Variants in PDHX observed in about 807,000 individuals in gnomAD.
The protein encoded by PDHX is pyruvate dehydrogenase complex component X, also known as pyruvate dehydrogenase protein X component, mitochondrial.
Under a neutral mutation model 55.3 loss-of-function variants are expected in PDHX, and 33 were observed. That is an observed-to-expected ratio of 0.60 (90% CI 0.45 to 0.80). PDHX has a LOEUF of 0.80. Ranked by LOEUF, PDHX falls within the 30% of genes least tolerant of loss-of-function variation. The probability of loss-of-function intolerance (pLI) is 0.00; values close to 1 mark genes in which losing one functional copy is unlikely to be tolerated. For synonymous variants in PDHX, 226 were observed against 219.4 expected (o/e 1.03, Z -0.27); for missense variants, 622 against 619.9 (o/e 1.00, Z -0.04).
At chr11:34,955,652 G>A (rs1408865017) in intron 3 of PDHX, among the ~76,000 whole-genome samples, 2 of 152,050 alleles carry the variant, frequency 1.3e-5, no homozygotes, top group East Asian at 1.9e-4. Flanking sequence ...GCTGTTTATT[G>A]CCTACTTGTG....
chr11:34,980,219 AT>A (rs1855478125), intron 8 of PDHX, among the ~76,000 whole-genome samples: 1 of 150,736 alleles, frequency 6.6e-6, no homozygotes. Context: ...TCTCACTTCT[AT>A]TGCATATTTA....
intron 1 of PDHX, among the ~76,000 whole-genome samples, chr11:34,924,446 T>A (rs991579567): frequency 6.6e-6 from 1 of 152,092 alleles, no homozygotes; most frequent in Non-Finnish European, 1.5e-5. Context: ...GTCTTGAACT[T>A]CTGACCTAAT....
chr11:34,922,357 T>A (rs1241814673), intron 1 of PDHX, among the ~76,000 whole-genome samples: 1 of 152,226 alleles, frequency 6.6e-6, no homozygotes, highest in Non-Finnish European at 1.5e-5. Context: ...GAGAGCTTAC[T>A]ATATACTATG....
At chr11:34,964,581 G>A (rs1439485481) in intron 5 of PDHX, among the ~76,000 whole-genome samples, 1 of 152,042 alleles carries the variant, frequency 6.6e-6, no homozygotes, top group Non-Finnish European at 1.5e-5. Flanking sequence ...TCCAGCCTGG[G>A]TGACAGAGTG....
chr11:34,957,242 A>G, intron 3 of PDHX, 142 bp from the exon 4 acceptor site: 1 of 673,406 alleles, frequency 1.5e-6, no homozygotes, highest in Admixed American at 2.2e-5. Flanking sequence ...TGACAGGTGG[A>G]AGGCAGAGGC....
intron 6 of PDHX, among the ~76,000 whole-genome samples, chr11:34,968,148 T>C (rs994333088): frequency 6.6e-6 from 1 of 151,686 alleles, no homozygotes; most frequent in Non-Finnish European, 1.5e-5. Context: ...AGTGTGTGCC[T>C]GTAGTCCAAC....
intron 2 of PDHX, among the ~76,000 whole-genome samples, chr11:34,945,601 C>T (rs1007862826): frequency 6.6e-6 from 1 of 152,058 alleles, no homozygotes; most frequent in African/African-American, 2.4e-5. Context: ...CTCAGTCTTT[C>T]CATTGAGGTA....
At chr11:34,959,624 AAG>A (rs1350138159) in intron 4 of PDHX, among the ~76,000 whole-genome samples, 1 of 152,072 alleles carries the variant, frequency 6.6e-6, no homozygotes, top group East Asian at 1.9e-4. Flanking sequence ...AAAGACTGGA[AAG>A]AGATATTTGT....
At chr11:34,958,132 A>G (rs1854945253) in intron 4 of PDHX, among the ~76,000 whole-genome samples, 1 of 152,232 alleles carries the variant, frequency 6.6e-6, no homozygotes, top group South Asian at 2.1e-4. Context: ...TTAATAGAAG[A>G]ACTCTGTAAA....
intron 2 of PDHX, among the ~76,000 whole-genome samples, chr11:34,939,599 C>T (rs1854424458): frequency 6.6e-6 from 1 of 152,112 alleles, no homozygotes; most frequent in African/African-American, 2.4e-5. Context: ...TGGGGTTCCT[C>T]CTCTGCCATG....
chr11:34,984,865 A>G, intron 9 of PDHX, 137 bp downstream of exon 9: 1 of 811,294 alleles, frequency 1.2e-6, no homozygotes, highest in Non-Finnish European at 2.1e-6. Context: ...TCATCAAGTG[A>G]TTGTCACATA....
At chr11:34,933,953 T>TATTATTA (rs1279290462) in intron 2 of PDHX, among the ~76,000 whole-genome samples, 1 of 152,134 alleles carries the variant, frequency 6.6e-6, no homozygotes, top group Non-Finnish European at 1.5e-5. Context: ...TTGGTTAGCT[T>TATTATTA]TAGAGGGTGC....
In PDHX at chr11:34,984,045, CA is replaced by C. The variant is rs572840104; in HGVS notation, c.1024-521del. ...AACTATAGTACAAGGCTACAGTAAC[CA>C]AAACAGCATGGTACTGGTACCAAAA... On this transcript the variant is annotated intron_variant, in intron 8 of 10. Transcript: ENST00000227868. Among the ~76,000 whole-genome samples the C allele has an allele frequency of 1.6e-4, 24 of 152,260 alleles. No homozygotes were observed. In the East Asian group the frequency reaches 4.6e-3, roughly 29 times the overall value.
intron 2 of PDHX, among the ~76,000 whole-genome samples, chr11:34,937,442 CTT>C (rs36061427): frequency 1.4e-4 from 19 of 134,520 alleles, no homozygotes; most frequent in Admixed American, 2.2e-4. Flanking sequence ...GAGTTGCTGA[CTT>C]TTTTTTTTTT....
chr11:34,924,211 T>C (rs1853963564), intron 1 of PDHX, among the ~76,000 whole-genome samples: 1 of 152,186 alleles, frequency 6.6e-6, no homozygotes, highest in Non-Finnish European at 1.5e-5. Flanking sequence ...TTGAGACTTA[T>C]TCTTTGCCAA....
At chr11:34,953,388 A>G (rs1401767170) in intron 3 of PDHX, among the ~76,000 whole-genome samples, 2 of 152,222 alleles carry the variant, frequency 1.3e-5, no homozygotes, top group South Asian at 2.1e-4. Context: ...CGCCAAGTCA[A>G]TCCTAAGCCA....
In PDHX at chr11:34,946,225, ATTAC is replaced by A. The variant is rs1854615836; in HGVS notation, c.242-1277_242-1274del. On this transcript the variant is annotated intron_variant, in intron 2 of 10. Coordinates refer to ENST00000227868, the MANE Select transcript of PDHX (RefSeq NM_003477.3). ...TATTCTGTTGTTTCTTTTTATTTCAATTACTTAATTTTTCATTTTTAAGATTTCT... is the reference window on the plus strand; with the variant it reads ...TATTCTGTTGTTTCTTTTTATTTCAATTAATTTTTCATTTTTAAGATTTCT... Among the ~76,000 whole-genome samples, 3 of 151,738 alleles carry A rather than the reference ATTAC, an allele frequency of 2.0e-5. No individual in the cohort carries two copies. In the East Asian group the frequency reaches 5.8e-4, roughly 29 times the overall value.
intron 5 of PDHX, among the ~76,000 whole-genome samples, chr11:34,962,791 C>A (rs1049719150): frequency 2.0e-5 from 3 of 152,116 alleles, no homozygotes; most frequent in African/African-American, 7.2e-5. Flanking sequence ...CCTTCCTTTT[C>A]TTTCCATGTG....
intron 6 of PDHX, among the ~76,000 whole-genome samples, chr11:34,969,531 A>G (rs1855210521): frequency 6.6e-6 from 1 of 151,880 alleles, no homozygotes; most frequent in African/African-American, 2.4e-5. Flanking sequence ...CTTAGTAGAG[A>G]TGGGGTTTCA....
Sources: allele counts gnomAD v4.1 joint callset (sites outside exome capture counted in the v4.1 genomes callset), GRCh38; gene constraint gnomAD v4.1.1; transcripts MANE v1.5; gene names NCBI Gene and HGNC (gene_info 2026-07-23, HGNC 2026-07-21).